The following TTC7A variants were observed in gnomAD, a reference collection of about 807,000 sequenced individuals.
The protein encoded by TTC7A is tetratricopeptide repeat domain 7A.
In TTC7A, 110 loss-of-function variants were observed where a neutral mutation model predicts 103.7. The ratio of observed to expected loss-of-function variants is 1.06; its 90% CI spans 0.91 to 1.24. TTC7A has a LOEUF of 1.24. Among genes scored for constraint, TTC7A ranks in the 50% most tolerant of loss-of-function variants. TTC7A has a pLI of 0.00. For synonymous variants in TTC7A, 521 were observed against 467.9 expected (o/e 1.11, Z -1.47); for missense variants, 1,340 against 1,116.3 (o/e 1.20, Z -2.86).
chr2:47,010,399 GACA>G (rs767937272), intron 10 of TTC7A, among the ~76,000 whole-genome samples: 2 of 152,176 alleles, frequency 1.3e-5, no homozygotes, highest in African/African-American at 4.8e-5. Flanking sequence ...CCAGACTTAG[GACA>G]ACGCCTGCAC....
intron 14 of TTC7A, among the ~76,000 whole-genome samples, chr2:47,026,557 G>A (rs1454384558): frequency 6.6e-6 from 1 of 152,174 alleles, no homozygotes; most frequent in East Asian, 1.9e-4. Context: ...CTCTTAAAAA[G>A]AGACTCATGG....
intron 15 of TTC7A, among the ~76,000 whole-genome samples, chr2:47,045,986 G>C (rs1398280042): frequency 6.6e-6 from 1 of 152,212 alleles, no homozygotes; most frequent in Non-Finnish European, 1.5e-5. Flanking sequence ...TGGGTAGGAA[G>C]AGCAAACCGA....
rs1677434974 is a variant in TTC7A, at chr2:47,006,665, G to A, written c.1228G>A (p.Ala410Thr). 6.8e-6 allele frequency: 11 copies of A among 1,614,218 alleles called. No individual in the cohort carries two copies. Among genetic ancestry groups the A allele is most frequent in the Non-Finnish European group, 9.3e-6 (11 of 1,180,034 alleles). Residue 410 changes from alanine (A) to threonine (T), a missense_variant, in exon 10 of 20, where the codon GCG becomes ACG. By Grantham distance (58) the Ala-to-Thr change is moderately conservative (BLOSUM62 0). Transcript: ENST00000319190. ...GTGCCTGGAGCGAGCCATGAAGTTT[G>A]CGTTTGGAGAATTTCACCTTTGGTA... ...SECLERAMKFAFGEFHLWYQV... is the reference protein window; with the variant it reads ...SECLERAMKFTFGEFHLWYQV...
At chr2:47,012,217 G>A (rs1678149984) in intron 11 of TTC7A, among the ~76,000 whole-genome samples, 1 of 152,226 alleles carries the variant, frequency 6.6e-6, no homozygotes, top group African/African-American at 2.4e-5. Flanking sequence ...CTCTGTGCAG[G>A]TATCTCTTCC....
At chr2:46,965,686 A>G (rs1292257955) in intron 3 of TTC7A, among the ~76,000 whole-genome samples, 1 of 148,462 alleles carries the variant, frequency 6.7e-6, no homozygotes, top group African/African-American at 2.5e-5. Context: ...CTCAGCCTCC[A>G]GAATAGCTGG....
intron 15 of TTC7A, among the ~76,000 whole-genome samples, chr2:47,031,686 T>C (rs987707438): frequency 6.6e-6 from 1 of 152,230 alleles, no homozygotes; most frequent in Admixed American, 6.5e-5. Context: ...GATTTGTACC[T>C]GCCCAGTTCC....
chr2:46,962,388 A>G (rs574676662), intron 3 of TTC7A, among the ~76,000 whole-genome samples: 2 of 152,174 alleles, frequency 1.3e-5, no homozygotes, highest in African/African-American at 4.8e-5. Flanking sequence ...GTTAGGGGTC[A>G]GTATGTTCCT....
At chr2:47,030,563 A>G (rs923202303) in intron 15 of TTC7A, among the ~76,000 whole-genome samples, 1 of 152,172 alleles carries the variant, frequency 6.6e-6, no homozygotes, top group Non-Finnish European at 1.5e-5. Context: ...TCCTAAATAT[A>G]AACCCCATAA....
chr2:47,012,558 A>G (rs1237151915), intron 11 of TTC7A, among the ~76,000 whole-genome samples: 1 of 152,204 alleles, frequency 6.6e-6, no homozygotes, highest in Non-Finnish European at 1.5e-5. Flanking sequence ...CAGGAGCTTC[A>G]TAATTAGCAG....
At chr2:47,000,255 T>TAA (rs58720701) in intron 8 of TTC7A, among the ~76,000 whole-genome samples, 9,611 of 142,236 alleles carry the variant, frequency 0.068, 360 homozygotes, top group African/African-American at 0.093. Context: ...GCCATTCAGT[T>TAA]AAAAAAAAAA....
chr2:46,977,474 C>T (rs565076606), intron 4 of TTC7A, among the ~76,000 whole-genome samples: 21 of 152,304 alleles, frequency 1.4e-4, no homozygotes, highest in African/African-American at 5.1e-4. Context: ...CCTGTTAGAG[C>T]TGAGGCTTTT....
At position 47,007,609 on chromosome 2, in the gene TTC7A, C is replaced by T. The variant is rs1677556666; in HGVS notation, c.1287+885C>T. The stretch of plus-strand genomic sequence containing the variant: ...CTCTGAGGAGGGCCCTCCTGGCTTG[C>T]CAGTGCCTCCTCCACGCATCAAGGG... On this transcript the variant is annotated intron_variant, in intron 10 of 19. Coordinates refer to ENST00000319190, the MANE Select transcript of TTC7A (RefSeq NM_020458.4). This position sits in a 1 kb window ranked among gnomAD's most constrained non-coding sequence, Gnocchi z 4.9. Among the ~76,000 whole-genome samples, 1 of 152,170 alleles carries T rather than the reference C, an allele frequency of 6.6e-6. No individual in the cohort carries two copies. Among genetic ancestry groups the T allele is most frequent in the African/African-American group, 2.4e-5 (1 of 41,436 alleles).
intron 5 of TTC7A, among the ~76,000 whole-genome samples, chr2:46,983,155 G>A (rs1247701036): frequency 6.6e-6 from 1 of 152,164 alleles, no homozygotes; most frequent in Non-Finnish European, 1.5e-5. Flanking sequence ...GGAGGTGGTG[G>A]TGTCTCTGTT....
At chr2:46,935,051 G>A (rs1406935536) in intron 2 of TTC7A, among the ~76,000 whole-genome samples, 4 of 151,842 alleles carry the variant, frequency 2.6e-5, no homozygotes, top group Non-Finnish European at 4.4e-5. Flanking sequence ...CACCCACCTC[G>A]GCCTCCCAAA....
intron 11 of TTC7A, among the ~76,000 whole-genome samples, chr2:47,016,466 G>A (rs1442220684): frequency 6.6e-6 from 1 of 152,212 alleles, no homozygotes; most frequent in Non-Finnish European, 1.5e-5. Context: ...CTGTGAAAAT[G>A]CCAGGGGAGC....
At chr2:46,939,490 T>G (rs1670150904), upstream of TTC7A, among the ~76,000 whole-genome samples, 1 of 152,192 alleles carries the variant, frequency 6.6e-6, no homozygotes, top group African/African-American at 2.4e-5. Flanking sequence ...CACTCCTTTA[T>G]GCCCACACAT....
rs1018457246 is a variant in TTC7A, at chr2:47,073,901, C to T, written c.2555C>T (p.Ser852Phe). ...LEASSPVLPF[S>F]IIPREL ...GCCAGCAGCCCTGTACTGCCCTTCT[C>T]CATCATCCCCAGAGAGCTCTGACGA... The change falls in exon 20 of 20, where the codon TCC becomes TTC. Residue 852 changes from serine to phenylalanine, a missense_variant. Coordinates refer to ENST00000319190, the MANE Select transcript of TTC7A (RefSeq NM_020458.4). 1.2e-6 allele frequency: 2 copies of T among 1,612,796 alleles called. No individual in the cohort carries two copies. Among genetic ancestry groups the T allele is most frequent in the Admixed American group, 1.7e-5 (1 of 60,004 alleles).
chr2:46,995,400 T>C (rs1676079228), intron 8 of TTC7A, among the ~76,000 whole-genome samples: 1 of 152,206 alleles, frequency 6.6e-6, no homozygotes, highest in Non-Finnish European at 1.5e-5. Flanking sequence ...AAGGCTTCAT[T>C]TGGAGGCCTG....
rs376978551 is a variant in TTC7A at position 47,009,888 on chromosome 2, T to G, written c.1288-1443T>G. ...CAGCCCAGAAAGAGTGTGTGTGTGTTTTTTTTTTTTTTTTTGGTGGTGGGG... is the reference window on the plus strand; with the variant it reads ...CAGCCCAGAAAGAGTGTGTGTGTGTGTTTTTTTTTTTTTTTGGTGGTGGGG... On this transcript the variant is annotated intron_variant, in intron 10 of 19. Transcript: ENST00000319190. 7.3e-4 allele frequency among the ~76,000 whole-genome samples: 28 copies of G among 38,110 alleles called. No individual in the cohort carries two copies. The East Asian group carries it at 0.018, about 24-fold the overall frequency. 25.0% of individuals were successfully genotyped at this position (38,110 alleles called of 152,430 possible).
Sources: gnomAD v4.1 joint callset for allele counts (sites outside exome capture counted in the v4.1 genomes callset) on GRCh38, gnomAD v4.1.1 for gene constraint, Gnocchi (gnomAD v3.1) non-coding constraint, MANE v1.5 for transcripts, NCBI Gene and HGNC (gene_info 2026-07-23, HGNC 2026-07-21) for gene names.